Variants in STRN observed in about 807,000 individuals in gnomAD.
STRN encodes the protein striatin.
Under a neutral mutation model 96.3 loss-of-function variants are expected in STRN, and 53 were observed. The observed-to-expected ratio is 0.55, with a 90% CI of 0.44 to 0.69. The LOEUF (loss-of-function observed/expected upper bound fraction) is 0.69. STRN is among the 30% of genes least tolerant of loss of function. The pLI is 0.00. For missense variants in STRN, 987 were observed against 963.9 expected (o/e 1.02, Z -0.32); for synonymous variants, 428 against 355.9 (o/e 1.20, Z -2.28).
intron 12 of STRN, among the ~76,000 whole-genome samples, chr2:36,862,704 G>A (rs915891710): frequency 1.3e-5 from 2 of 151,476 alleles, no homozygotes; most frequent in African/African-American, 4.8e-5. Flanking sequence ...ATCTGTTCAC[G>A]TCCTTTGCCC....
At chr2:36,863,966 T>C (rs753032288) in intron 12 of STRN, among the ~76,000 whole-genome samples, 3 of 152,234 alleles carry the variant, frequency 2.0e-5, no homozygotes, top group Non-Finnish European at 4.4e-5. Context: ...TTGGGCATTA[T>C]TGGTGTGTAT....
Position 36,899,563 on chromosome 2 carries a change from T to C in STRN, c.755A>G (p.Asp252Gly). 6.2e-7 allele frequency: 1 copy of C among 1,613,682 alleles called. No individual in the cohort carries two copies. The highest frequency in any genetic ancestry group is 8.5e-7 in the Non-Finnish European group (1 of 1,179,914). ...GACGCTTTTCTCTCTTCCATCAACATCATCATCTTCATCTTCATCACTGAA... is the reference window on the plus strand; with the variant it reads ...GACGCTTTTCTCTCTTCCATCAACACCATCATCTTCATCTTCATCACTGAA... ...ADFSDEDEDDDVDGREKSVID... is the reference protein window; with the variant it reads ...ADFSDEDEDDGVDGREKSVID... The change falls in exon 6 of 18, where the codon GAT becomes GGT. Residue 252 changes from aspartate to glycine, a missense_variant. Physicochemically the swap from Asp to Gly is moderately conservative, Grantham distance 94 (BLOSUM62 -1). Coordinates refer to ENST00000263918, the MANE Select transcript of STRN (RefSeq NM_003162.4).
At chr2:36,877,664 T>C (rs1270919944) in intron 10 of STRN, among the ~76,000 whole-genome samples, 6 of 152,142 alleles carry the variant, frequency 3.9e-5, no homozygotes, top group East Asian at 1.9e-4. Flanking sequence ...GCCCCCCTAG[T>C]AGCTGGGATT....
chr2:36,864,699 CTTTAT>C (rs1232896189), intron 12 of STRN, among the ~76,000 whole-genome samples: 2 of 152,066 alleles, frequency 1.3e-5, no homozygotes, highest in African/African-American at 4.8e-5. Flanking sequence ...CCCTCTTCCT[CTTTAT>C]TTTTATTTAT....
intron 12 of STRN, among the ~76,000 whole-genome samples, chr2:36,862,015 A>C (rs940691759): frequency 2.0e-5 from 3 of 152,112 alleles, no homozygotes; most frequent in Admixed American, 6.6e-5. Context: ...ATAAGTGAGA[A>C]CATGCAGTAT....
chr2:36,959,684 A>G (rs1664980956), intron 1 of STRN, among the ~76,000 whole-genome samples: 1 of 152,264 alleles, frequency 6.6e-6, no homozygotes, highest in Non-Finnish European at 1.5e-5. Flanking sequence ...GGAAAAAGAA[A>G]TTATATCCCA....
chr2:36,868,613 A>T (rs1668687223), intron 11 of STRN, among the ~76,000 whole-genome samples: 1 of 152,218 alleles, frequency 6.6e-6, no homozygotes, highest in Non-Finnish European at 1.5e-5. Context: ...TCTTCTGAAA[A>T]CACCTAATCT....
rs1307482083 is a variant in STRN at position 36,839,453 on chromosome 2, T to TA, written c.*10002dup. ...TATTTCTCCTAAAACCCTGATGTTC[T>TA]AGAAGCTATCAGGAGTGTGACCGAA... On this transcript the variant is annotated 3_prime_UTR_variant, in exon 18 of 18. Transcript: ENST00000263918. Among the ~76,000 whole-genome samples, 1 of 152,240 alleles carries TA rather than the reference T, an allele frequency of 6.6e-6. No homozygotes were observed. Among genetic ancestry groups the TA allele is most frequent in the African/African-American group, 2.4e-5 (1 of 41,468 alleles).
chr2:36,962,579 T>A (rs187718884), intron 1 of STRN, among the ~76,000 whole-genome samples: 243 of 151,694 alleles, frequency 1.6e-3, no homozygotes, highest in African/African-American at 5.4e-3. Flanking sequence ...CAGGCTGGAG[T>A]GCAGTGGCAC....
chr2:36,894,849 G>T (rs369809449), intron 6 of STRN, among the ~76,000 whole-genome samples: 1 of 152,134 alleles, frequency 6.6e-6, no homozygotes, highest in East Asian at 1.9e-4. Context: ...CACGTGACTT[G>T]TATGGCCCTG....
rs756710331 is a variant in STRN at position 36,899,672 on chromosome 2, T to C, written c.660-14A>G. 6.3e-7 allele frequency: 1 copy of C among 1,585,590 alleles called. No homozygotes were observed. Among genetic ancestry groups the C allele is most frequent in the South Asian group, 1.2e-5 (1 of 86,956 alleles). On this transcript the variant is annotated splice_polypyrimidine_tract_variant and intron_variant, in intron 5 of 17. Coordinates refer to ENST00000263918, the MANE Select transcript of STRN (RefSeq NM_003162.4). ...AACTCAGATTTTCTGGTGTAAAACATGTATATCCTGCTTAGTTAATCTTTT... is the reference window on the plus strand; with the variant it reads ...AACTCAGATTTTCTGGTGTAAAACACGTATATCCTGCTTAGTTAATCTTTT...
At chr2:36,949,763 G>A (rs1222047400) in intron 1 of STRN, among the ~76,000 whole-genome samples, 1 of 152,154 alleles carries the variant, frequency 6.6e-6, no homozygotes, top group South Asian at 2.1e-4. Flanking sequence ...TAGAAAGGAT[G>A]ATCGAGTTTC....
At chr2:36,938,623 G>A (rs1463246406) in intron 1 of STRN, among the ~76,000 whole-genome samples, 2 of 152,054 alleles carry the variant, frequency 1.3e-5, no homozygotes, top group East Asian at 1.9e-4. Flanking sequence ...GGTCTGCAGC[G>A]TTTTTACAGT....
rs1304360655 is a variant in STRN, at chr2:36,867,777, G to C, written c.1547+37C>G. ...TATCCTAACCAGGCTATTTTACAGA[G>C]ATATCGGTTTAAAATAAAGAAAAAA... On this transcript the variant is annotated intron_variant, in intron 12 of 17. Coordinates refer to ENST00000263918, the MANE Select transcript of STRN (RefSeq NM_003162.4). The C allele has an allele frequency of 8.7e-6, 12 of 1,373,832 alleles. No individual in the cohort carries two copies. In the African/African-American group the frequency reaches 1.2e-4, roughly 14 times the overall value. 85.1% of individuals were successfully genotyped at this position (1,373,832 alleles called of 1,614,324 possible).
chr2:36,938,511 A>C (rs2148250106), intron 1 of STRN, among the ~76,000 whole-genome samples: 1 of 152,312 alleles, frequency 6.6e-6, no homozygotes. Flanking sequence ...GTATAGCTCA[A>C]ACCTGGTTTG....
In STRN at chr2:36,947,096, C is replaced by T. The variant is rs138028636; in HGVS notation, c.234+19134G>A. 3.4e-4 allele frequency among the ~76,000 whole-genome samples: 52 copies of T among 152,144 alleles called. No homozygotes were observed. In the East Asian group the frequency reaches 7.5e-3, roughly 22 times the overall value. On this transcript the variant is annotated intron_variant, in intron 1 of 17. Coordinates refer to ENST00000263918, the MANE Select transcript of STRN (RefSeq NM_003162.4). Reference sequence around the variant, plus strand: ...TATTTTTAGTAGAGACAGGGTTTTACCATGTTAGCCAGGATGGTCTCCATC... The same window carrying T: ...TATTTTTAGTAGAGACAGGGTTTTATCATGTTAGCCAGGATGGTCTCCATC...
intron 1 of STRN, among the ~76,000 whole-genome samples, chr2:36,941,186 A>T (rs1670837344): frequency 6.6e-6 from 1 of 152,166 alleles, no homozygotes; most frequent in African/African-American, 2.4e-5. Context: ...AAAATGATAA[A>T]ACCCAATGTT....
Position 36,868,645 on chromosome 2 carries a change from T to C in STRN, c.1500-784A>G, listed in dbSNP as rs551511322. ...ATCTATGTGAAAGTCCATCTGGTTTTAGCAACATCTGGTTGAGCTATCTGA... is the reference window on the plus strand; with the variant it reads ...ATCTATGTGAAAGTCCATCTGGTTTCAGCAACATCTGGTTGAGCTATCTGA... On this transcript the variant is annotated intron_variant, in intron 11 of 17. Coordinates refer to ENST00000263918, the MANE Select transcript of STRN (RefSeq NM_003162.4). Among the ~76,000 whole-genome samples the C allele has an allele frequency of 1.6e-3, 241 of 152,340 alleles. 1 individual carries two copies. Among genetic ancestry groups the C allele is most frequent in the Non-Finnish European group, 2.8e-3 (193 of 68,018 alleles).
chr2:36,908,196 T>C (rs922436082), intron 3 of STRN, among the ~76,000 whole-genome samples: 6 of 152,168 alleles, frequency 3.9e-5, no homozygotes, highest in African/African-American at 1.4e-4. Flanking sequence ...ACTTCAGATG[T>C]TAAATGAAGT....
Sources: allele counts gnomAD v4.1 joint callset (sites outside exome capture counted in the v4.1 genomes callset), GRCh38; gene constraint gnomAD v4.1.1; transcripts MANE v1.5; gene names NCBI Gene and HGNC (gene_info 2026-07-23, HGNC 2026-07-21).